SEM1: variants seen among roughly 807,000 people sequenced by gnomAD.
SEM1 encodes the protein 26S proteasome complex subunit SEM1.
SEM1 carries 3 observed loss-of-function variants against 12.7 expected under a neutral mutation model. The ratio of observed to expected loss-of-function variants is 0.24; its 90% CI spans 0.11 to 0.61. The LOEUF is 0.61. Among genes scored for constraint, SEM1 ranks in the 20% least tolerant of loss-of-function variants. The pLI is 0.88. For missense variants in SEM1, 59 were observed against 81.3 expected, an observed-to-expected ratio of 0.73 and a Z score of 1.06; for synonymous variants, 30 against 27.8, an observed-to-expected ratio of 1.08 and a Z score of -0.25.
At chr7:96,661,774 G>A (rs766767409) in intron 2 of SEM1, among the ~76,000 whole-genome samples, 6 of 151,976 alleles carry the variant, frequency 3.9e-5, no homozygotes, top group Non-Finnish European at 7.4e-5. Context: ...GATCACCTGA[G>A]GTCGGGAGTT....
At chr7:96,682,228 T>C (rs986587968) in intron 2 of SEM1, among the ~76,000 whole-genome samples, 1 of 152,162 alleles carries the variant, frequency 6.6e-6, no homozygotes. Flanking sequence ...TTTTTGCACA[T>C]TGATTATGTA....
chr7:96,584,536 TCTC>T (rs749242813), intron 2 of SEM1, among the ~76,000 whole-genome samples: 2 of 152,106 alleles, frequency 1.3e-5, no homozygotes, highest in Non-Finnish European at 2.9e-5. Flanking sequence ...TTGGGGAAGT[TCTC>T]CTGGATGATA....
rs569336948 is a variant in SEM1, at chr7:96,597,266, T to G, written c.171-90568A>C. Among the ~76,000 whole-genome samples, 4 of 152,246 alleles carry G rather than the reference T, an allele frequency of 2.6e-5. No individual in the cohort carries two copies. In the South Asian group the frequency reaches 8.3e-4, roughly 32 times the overall value. On this transcript the variant is annotated intron_variant and NMD_transcript_variant, in intron 2 of 3. Coordinates refer to the SEM1 transcript ENST00000466986. ...ACGTGAAATAATGCATCTAAAACAC[T>G]CAGGAGCATAAAACAAAGGTCCCTG...
At chr7:96,491,557 T>C (rs1187012665) in intron 1 of SEM1, among the ~76,000 whole-genome samples, 1 of 152,176 alleles carries the variant, frequency 6.6e-6, no homozygotes, top group African/African-American at 2.4e-5. Flanking sequence ...ATGTGACAGA[T>C]GTTTCTGGGA....
At chr7:96,689,228 A>T (rs1789854278) in intron 2 of SEM1, among the ~76,000 whole-genome samples, 1 of 152,090 alleles carries the variant, frequency 6.6e-6, no homozygotes, top group Non-Finnish European at 1.5e-5. Flanking sequence ...TTTGTGGAAG[A>T]AATGTGAGGG....
chr7:96,492,590 T>A (rs1211180953), intron 1 of SEM1, among the ~76,000 whole-genome samples: 1 of 137,736 alleles, frequency 7.3e-6, no homozygotes, highest in Non-Finnish European at 1.6e-5. Flanking sequence ...TTTGTATTTT[T>A]TTTTTTTTTT....
chr7:96,590,488 A>G (rs929818468), intron 2 of SEM1, among the ~76,000 whole-genome samples: 2 of 152,240 alleles, frequency 1.3e-5, no homozygotes, highest in Non-Finnish European at 2.9e-5. Context: ...AGTTATATAT[A>G]CAGACTATGC....
intron 1 of SEM1, among the ~76,000 whole-genome samples, chr7:96,487,419 A>C (rs1802819859): frequency 6.7e-6 from 1 of 150,022 alleles, no homozygotes; most frequent in Admixed American, 6.6e-5. Flanking sequence ...TTTTCATTTA[A>C]AAATATTGCA....
At chr7:96,529,841 C>G (rs79325502) in intron 2 of SEM1, among the ~76,000 whole-genome samples, 1 of 152,068 alleles carries the variant, frequency 6.6e-6, no homozygotes, top group African/African-American at 2.4e-5. Context: ...TAAAAATTAT[C>G]TTGGTGATAT....
chr7:96,484,069 A>T, intron 3 of SEM1: 3 of 1,287,636 alleles, frequency 2.3e-6, no homozygotes, highest in Non-Finnish European at 3.1e-6. Context: ...CAATCTTCAC[A>T]ACAACCCTAT....
chr7:96,486,515 C>G (rs1584693971), intron 1 of SEM1: 1 of 973,748 alleles, frequency 1.0e-6, no homozygotes, highest in East Asian at 2.6e-5. Flanking sequence ...CTTCTCATTA[C>G]TGGATTTTAA....
chr7:96,525,030 T>C (rs1475035470), intron 2 of SEM1, among the ~76,000 whole-genome samples: 4 of 152,122 alleles, frequency 2.6e-5, no homozygotes, highest in African/African-American at 2.4e-5. Flanking sequence ...GTGGCTGCCA[T>C]ATTGAACAGT....
In SEM1 at chr7:96,709,732, C is replaced by A. The variant is rs1367714564; in HGVS notation, c.32G>T (p.Gly11Val). Residue 11 changes from glycine (G) to valine (V), a missense_variant, in exon 1 of 3, where the codon GGT becomes GTT. Gly to Val is a moderately radical substitution (Grantham distance 109). Coordinates refer to ENST00000248566, the MANE Select transcript of SEM1 (RefSeq NM_006304.2). ...AAACTCGTCGTCTTCCTCTAACAGA[C>A]CTAAGTCTACCGGCTGCTTTTTCTC... Reference protein sequence around the residue: MSEKKQPVDLGLLEEDDEFEE... With the variant: MSEKKQPVDLVLLEEDDEFEE... The A allele has an allele frequency of 6.2e-7, 1 of 1,614,000 alleles. No homozygotes were observed. Among genetic ancestry groups the A allele is most frequent in the South Asian group, 1.1e-5 (1 of 91,072 alleles).
intron 2 of SEM1, among the ~76,000 whole-genome samples, chr7:96,575,969 T>C (rs1806192418): frequency 6.6e-6 from 1 of 152,214 alleles, no homozygotes; most frequent in Non-Finnish European, 1.5e-5. Context: ...TCCATTTATC[T>C]TTGTATATGT....
chr7:96,487,668 A>G (rs1020811396), intron 1 of SEM1, among the ~76,000 whole-genome samples: 15 of 150,156 alleles, frequency 1.0e-4, no homozygotes, highest in Non-Finnish European at 2.1e-4. Flanking sequence ...CTTGCCCAGG[A>G]CTACATGGCA....
At chr7:96,527,114 T>C (rs1434789785) in intron 2 of SEM1, among the ~76,000 whole-genome samples, 2 of 151,574 alleles carry the variant, frequency 1.3e-5, no homozygotes, top group Admixed American at 1.3e-4. Flanking sequence ...AGCCCTGAGA[T>C]GAAAGATATA....
intron 2 of SEM1, among the ~76,000 whole-genome samples, chr7:96,636,295 G>C (rs541524947): frequency 6.7e-6 from 1 of 149,082 alleles, no homozygotes; most frequent in South Asian, 2.2e-4. Context: ...CCTGGTCAGA[G>C]TTTCAGAGTA....
intron 1 of SEM1, among the ~76,000 whole-genome samples, chr7:96,494,398 G>A (rs1393291470): frequency 6.6e-6 from 1 of 152,096 alleles, no homozygotes; most frequent in Non-Finnish European, 1.5e-5. Context: ...AAGTTTGGGA[G>A]CTTTTCTCAA....
chr7:96,648,426 G>T (rs1808870640), intron 2 of SEM1, among the ~76,000 whole-genome samples: 1 of 152,162 alleles, frequency 6.6e-6, no homozygotes, highest in South Asian at 2.1e-4. Flanking sequence ...GTTCTAACAT[G>T]ACTTTTAATT....
Sources: allele counts gnomAD v4.1 joint callset (sites outside exome capture counted in the v4.1 genomes callset), GRCh38; gene constraint gnomAD v4.1.1; transcripts MANE v1.5; gene names NCBI Gene and HGNC (gene_info 2026-07-23, HGNC 2026-07-21).